The following AVEN variants were observed in gnomAD, a reference collection of about 807,000 sequenced individuals.
AVEN encodes the protein apoptosis and caspase activation inhibitor.
In AVEN, 41 loss-of-function variants were observed where a neutral mutation model predicts 38.1. The ratio of observed to expected loss-of-function variants is 1.08; its 90% CI spans 0.84 to 1.40. The LOEUF (loss-of-function observed/expected upper bound fraction) is 1.40, where lower values mean the gene tolerates loss of function less well. Ranked by LOEUF, AVEN falls within the 40% of genes most tolerant of loss-of-function variation. AVEN has a pLI of 0.00. For synonymous variants in AVEN, 206 were observed against 171.8 expected (o/e 1.20, Z -1.56); for missense variants, 605 against 438.8 (o/e 1.38, Z -3.38).
chr15:33,919,227 C>T (rs113607665), intron 2 of AVEN, among the ~76,000 whole-genome samples: 8,209 of 152,134 alleles, frequency 0.054, 307 homozygotes, highest in African/African-American at 0.097. Context: ...GAAAAAAATC[C>T]ATACTAATAT....
chr15:33,970,043 TATC>T (rs1895568044), intron 2 of AVEN, among the ~76,000 whole-genome samples: 1 of 151,994 alleles, frequency 6.6e-6, no homozygotes, highest in South Asian at 2.1e-4. Flanking sequence ...CAAAGCACCT[TATC>T]ATAAAGAAGT....
intron 2 of AVEN, among the ~76,000 whole-genome samples, chr15:33,894,823 TAATAAC>T (rs1041825974): frequency 9.6e-4 from 7 of 7,306 alleles, no homozygotes; most frequent in Non-Finnish European, 5.2e-3. Flanking sequence ...AAAAAAAAAA[TAATAAC>T]AATAATAATA....
exon 12 of AVEN, chr15:33,858,873 C>T (rs2080017477): frequency 6.6e-6 from 1 of 152,442 alleles, no homozygotes; most frequent in Non-Finnish European, 1.5e-5. Flanking sequence ...GGTAACACTT[C>T]TTGACGAAAA....
chr15:34,055,767 C>CTCCA (rs1900121797), intron 5 of AVEN, among the ~76,000 whole-genome samples: 1 of 151,680 alleles, frequency 6.6e-6, no homozygotes, highest in Non-Finnish European at 1.5e-5. Flanking sequence ...CACCACTGCA[C>CTCCA]TCCAGCCTGG....
At chr15:33,905,652 C>A (rs1393557412) in intron 2 of AVEN, among the ~76,000 whole-genome samples, 1 of 152,042 alleles carries the variant, frequency 6.6e-6, no homozygotes, top group Non-Finnish European at 1.5e-5. Flanking sequence ...GGCGAAACCC[C>A]TTCTCTACAA....
At chr15:33,869,480 G>A (rs527533651) in intron 4 of AVEN, among the ~76,000 whole-genome samples, 1 of 152,080 alleles carries the variant, frequency 6.6e-6, no homozygotes, top group Non-Finnish European at 1.5e-5. Context: ...CTCATCATAT[G>A]AGATCAAGCC....
At chr15:33,855,049 C>T, downstream of AVEN, 2 of 895,990 alleles carry the variant, frequency 2.2e-6, no homozygotes, top group Non-Finnish European at 3.0e-6. Flanking sequence ...AACACTTCAA[C>T]TAATGGTGAT....
At chr15:34,019,308 T>C (rs905216384) in intron 1 of AVEN, among the ~76,000 whole-genome samples, 1 of 152,228 alleles carries the variant, frequency 6.6e-6, no homozygotes, top group Non-Finnish European at 1.5e-5. Flanking sequence ...CAAAAGCTTA[T>C]AAAGATATAT....
At chr15:33,963,660 G>T (rs1895280789) in intron 2 of AVEN, among the ~76,000 whole-genome samples, 1 of 152,126 alleles carries the variant, frequency 6.6e-6, no homozygotes, top group Non-Finnish European at 1.5e-5. Flanking sequence ...AGACAGGCAT[G>T]ATGGTGGGCG....
intron 2 of AVEN, among the ~76,000 whole-genome samples, chr15:33,968,066 G>A (rs1045856782): frequency 1.2e-4 from 10 of 86,316 alleles, no homozygotes; most frequent in African/African-American, 4.0e-4. Context: ...AAATAACTCA[G>A]CAACATGTCT....
At chr15:33,920,942 A>T (rs1893372564) in intron 2 of AVEN, among the ~76,000 whole-genome samples, 1 of 151,974 alleles carries the variant, frequency 6.6e-6, no homozygotes, top group South Asian at 2.1e-4. Flanking sequence ...CACCCAGCTA[A>T]TTTGTGTATT....
chr15:33,999,885 G>A (rs563097956), intron 2 of AVEN, among the ~76,000 whole-genome samples: 6 of 152,076 alleles, frequency 3.9e-5, no homozygotes, highest in African/African-American at 7.3e-5. Context: ...CAAACCCTCC[G>A]CTGGTTTTTC....
intron 2 of AVEN, among the ~76,000 whole-genome samples, chr15:33,882,912 A>G (rs1390815922): frequency 6.6e-6 from 1 of 152,152 alleles, no homozygotes; most frequent in Non-Finnish European, 1.5e-5. Flanking sequence ...AAAACGGAAG[A>G]AAATTAGAAA....
downstream of AVEN, chr15:33,865,637 AACTC>A (rs34728878): frequency 0.69 from 108,702 of 157,278 alleles, 38,181 homozygotes; most frequent in Admixed American, 0.76. Flanking sequence ...ATAGGGTCTG[AACTC>A]ACTCCAAAAG....
In AVEN at chr15:33,954,436, A is replaced by G. The variant is rs1894880433; in HGVS notation, c.445+48596T>C. Among the ~76,000 whole-genome samples, 2 of 152,218 alleles carry G rather than the reference A, an allele frequency of 1.3e-5. 1 individual carries two copies. The highest frequency in any genetic ancestry group is 4.1e-4 in the South Asian group (2 of 4,832). On this transcript the variant is annotated intron_variant, in intron 2 of 5. Transcript: ENST00000306730. The stretch of plus-strand genomic sequence containing the variant: ...ATCAATGATAGACTGGATGAAGAAA[A>G]TGTGGCACATATACATCATGGAATA...
intron 2 of AVEN, among the ~76,000 whole-genome samples, chr15:33,932,929 A>T (rs1893906290): frequency 2.0e-5 from 3 of 152,210 alleles, no homozygotes; most frequent in Admixed American, 1.3e-4. Flanking sequence ...GCATTTTTAG[A>T]TGAAATAAAT....
At chr15:33,963,113 A>G (rs940740234) in intron 2 of AVEN, among the ~76,000 whole-genome samples, 1 of 152,272 alleles carries the variant, frequency 6.6e-6, no homozygotes. Context: ...AATGGATGGC[A>G]GGACTAAATT....
intron 11 of AVEN, among the ~76,000 whole-genome samples, chr15:33,860,012 C>G (rs1379645025): frequency 2.0e-5 from 3 of 152,152 alleles, no homozygotes; most frequent in Non-Finnish European, 4.4e-5. Flanking sequence ...CTTCTGAGAT[C>G]TCTCCTGTGG....
At chr15:34,033,720 A>T (rs1898972473) in intron 1 of AVEN, among the ~76,000 whole-genome samples, 1 of 152,198 alleles carries the variant, frequency 6.6e-6, no homozygotes, top group Admixed American at 6.5e-5. Context: ...GGAGATGGGG[A>T]ATTAAAATAC....
Sources: allele counts gnomAD v4.1 joint callset (sites outside exome capture counted in the v4.1 genomes callset), GRCh38; gene constraint gnomAD v4.1.1; transcripts MANE v1.5; gene names NCBI Gene and HGNC (gene_info 2026-07-23, HGNC 2026-07-21).